The following PRKCE variants were observed in gnomAD, a reference collection of about 807,000 sequenced individuals.
PRKCE encodes the protein protein kinase C epsilon, also known as protein kinase C epsilon type.
A neutral mutation model predicts 85.4 loss-of-function variants in PRKCE; 16 were observed. The observed-to-expected ratio is 0.19, with a 90% CI of 0.13 to 0.28. PRKCE has a LOEUF of 0.28. Among genes scored for constraint, PRKCE ranks in the 10% least tolerant of loss-of-function variants. The pLI is 1.00. For missense variants in PRKCE, 573 were observed against 975.2 expected (o/e 0.59, Z 5.49); for synonymous variants, 388 against 371.5 (o/e 1.04, Z -0.51).
rs1453415466 is a variant in PRKCE, at chr2:46,159,728, C to T, written c.2043C>T (p.Ile681=). The T allele has an allele frequency of 2.5e-6, 4 of 1,599,264 alleles. No homozygotes were observed. The highest frequency in any genetic ancestry group is 2.2e-5 in the East Asian group (1 of 44,862). The change falls in exon 14 of 15, where the codon ATC becomes ATT. Residue 681 remains isoleucine (I), a synonymous_variant. Coordinates refer to ENST00000306156, the MANE Select transcript of PRKCE (RefSeq NM_005400.3). The surrounding 1 kb of genome is among the most constrained non-coding windows in gnomAD (Gnocchi z 4.1). ...GGGTGCTCCTGGAGCAGAAGAAGAT[C>T]AAGCCACCCTTCAAACCACGCATTG... is the stretch of plus-strand genomic sequence containing the variant. ...IDWVLLEQKK[I]KPPFKPRIKT...
intron 1 of PRKCE, among the ~76,000 whole-genome samples, chr2:45,837,855 G>A (rs1444288154): frequency 6.6e-6 from 1 of 152,230 alleles, no homozygotes; most frequent in East Asian, 1.9e-4. Flanking sequence ...GGGGCACAGA[G>A]CGAGACTCTG....
At chr2:45,850,063 G>A (rs1409271053) in intron 2 of PRKCE, among the ~76,000 whole-genome samples, 1 of 152,184 alleles carries the variant, frequency 6.6e-6, no homozygotes, top group African/African-American at 2.4e-5. Flanking sequence ...GCCTCTAGAT[G>A]CACAGCAGTG....
At chr2:46,160,121 T>A (rs1324126594) in intron 14 of PRKCE, 2 of 227,432 alleles carry the variant, frequency 8.8e-6, no homozygotes, top group Non-Finnish European at 1.7e-5. Context: ...AATGGGTCAG[T>A]TTAAAGGAAA....
chr2:45,930,935 G>C (rs1343793914), intron 2 of PRKCE, among the ~76,000 whole-genome samples: 1 of 152,150 alleles, frequency 6.6e-6, no homozygotes, highest in African/African-American at 2.4e-5. Flanking sequence ...TTTAGGAGAA[G>C]GCAACTTACC....
At chr2:45,860,949 T>G (rs1432400841) in intron 2 of PRKCE, among the ~76,000 whole-genome samples, 1 of 152,142 alleles carries the variant, frequency 6.6e-6, no homozygotes, top group African/African-American at 2.4e-5. Context: ...AGACAAGTGT[T>G]TTTCTGGGAA....
chr2:45,800,783 C>T (rs934714529), intron 1 of PRKCE, among the ~76,000 whole-genome samples: 4 of 152,196 alleles, frequency 2.6e-5, no homozygotes, highest in Non-Finnish European at 4.4e-5. Flanking sequence ...TGGCTTCCTT[C>T]GGCCCGTAAA....
intron 11 of PRKCE, among the ~76,000 whole-genome samples, chr2:46,142,721 A>G (rs1275852517): frequency 1.3e-5 from 2 of 152,260 alleles, no homozygotes; most frequent in African/African-American, 2.4e-5. Context: ...GGGCAGGCAA[A>G]GAAGAGCAGG....
chr2:45,974,138 A>G (rs914725385), intron 2 of PRKCE, among the ~76,000 whole-genome samples: 1 of 152,152 alleles, frequency 6.6e-6, no homozygotes, highest in Non-Finnish European at 1.5e-5. Flanking sequence ...TGGTTGTCAT[A>G]TTTTTGTTCT....
chr2:46,019,577 T>C (rs1270668378), intron 10 of PRKCE, among the ~76,000 whole-genome samples: 1 of 152,244 alleles, frequency 6.6e-6, no homozygotes, highest in East Asian at 1.9e-4. Context: ...CAAAGTGTTC[T>C]AAATAATTTT....
chr2:45,730,699 A>G (rs1295654263), intron 1 of PRKCE, among the ~76,000 whole-genome samples: 2 of 151,934 alleles, frequency 1.3e-5, no homozygotes, highest in African/African-American at 4.8e-5. Flanking sequence ...GCCTTAAGCT[A>G]TCTACCCGCC....
chr2:45,701,724 T>C, intron 1 of PRKCE, among the ~76,000 whole-genome samples: 1 of 152,230 alleles, frequency 6.6e-6, no homozygotes, highest in African/African-American at 2.4e-5. Flanking sequence ...AACAGAATTT[T>C]TCCTGGTGCT....
At chr2:45,843,775 A>C (rs934830914) in intron 2 of PRKCE, among the ~76,000 whole-genome samples, 5 of 152,248 alleles carry the variant, frequency 3.3e-5, no homozygotes. Flanking sequence ...GCTCTAAGAA[A>C]GATTTGGAAT....
intron 2 of PRKCE, among the ~76,000 whole-genome samples, chr2:45,947,230 T>C (rs566625182): frequency 6.6e-6 from 1 of 152,336 alleles, no homozygotes; most frequent in East Asian, 1.9e-4. Context: ...AGACCACATA[T>C]TGTATGATTC....
At chr2:45,788,186 C>G (rs1480158573) in intron 1 of PRKCE, among the ~76,000 whole-genome samples, 1 of 152,218 alleles carries the variant, frequency 6.6e-6, no homozygotes, top group East Asian at 1.9e-4. Flanking sequence ...TTCTGGGTGA[C>G]TGCAATTTCC....
intron 2 of PRKCE, among the ~76,000 whole-genome samples, chr2:45,885,648 T>C (rs548949628): frequency 6.6e-6 from 1 of 152,378 alleles, no homozygotes; most frequent in Non-Finnish European, 1.5e-5. Context: ...TTTCTCTGAC[T>C]GTTGTTGACA....
chr2:45,912,919 A>G (rs997003130), intron 2 of PRKCE, among the ~76,000 whole-genome samples: 5 of 152,168 alleles, frequency 3.3e-5, no homozygotes, highest in African/African-American at 1.2e-4. Flanking sequence ...GTTCAAGCCC[A>G]TACCTTATGG....
At chr2:45,654,534 T>A (rs1572863323) in intron 1 of PRKCE, among the ~76,000 whole-genome samples, 1 of 152,346 alleles carries the variant, frequency 6.6e-6, no homozygotes, top group East Asian at 1.9e-4. Context: ...GCTTGTCTGA[T>A]GGGGAGCCGA....
At chr2:46,142,252 T>A (rs1034639464) in intron 11 of PRKCE, among the ~76,000 whole-genome samples, 1 of 152,182 alleles carries the variant, frequency 6.6e-6, no homozygotes, top group African/African-American at 2.4e-5. Context: ...CGTGAACTGC[T>A]TGCCACTGAG....
chr2:45,714,858 G>T (rs190555426), intron 1 of PRKCE, among the ~76,000 whole-genome samples: 84 of 152,322 alleles, frequency 5.5e-4, no homozygotes, highest in Non-Finnish European at 1.0e-3. Flanking sequence ...TGAGGCATTG[G>T]CCACTGGCCT....
Sources: allele counts gnomAD v4.1 joint callset (sites outside exome capture counted in the v4.1 genomes callset), GRCh38; gene constraint gnomAD v4.1.1; non-coding constraint Gnocchi (gnomAD v3.1); transcripts MANE v1.5; gene names NCBI Gene and HGNC (gene_info 2026-07-23, HGNC 2026-07-21).